JAKMIP3: variants seen among roughly 807,000 people sequenced by gnomAD.
JAKMIP3 encodes the protein janus kinase and microtubule-interacting protein 3.
In JAKMIP3, 58 loss-of-function variants were observed where a neutral mutation model predicts 118.5. The ratio of observed to expected loss-of-function variants is 0.49; its 90% CI spans 0.40 to 0.61. The LOEUF (loss-of-function observed/expected upper bound fraction) is 0.61. Ranked by LOEUF, JAKMIP3 falls within the 20% of genes least tolerant of loss-of-function variation. The pLI is 0.00. For missense variants in JAKMIP3, 950 were observed against 1,109.0 expected, an observed-to-expected ratio of 0.86 and a Z score of 2.04; for synonymous variants, 486 against 451.2, an observed-to-expected ratio of 1.08 and a Z score of -0.98.
At chr10:132,159,217 G>A (rs2057494513) in intron 19 of JAKMIP3, among the ~76,000 whole-genome samples, 2 of 102,934 alleles carry the variant, frequency 1.9e-5, no homozygotes, top group East Asian at 3.7e-4. Context: ...ATGCTGTGGG[G>A]GCATCTCTCC....
chr10:132,073,559 C>T (rs1156815428), intron 1 of JAKMIP3, among the ~76,000 whole-genome samples: 4 of 148,850 alleles, frequency 2.7e-5, no homozygotes, highest in Non-Finnish European at 1.5e-5. Flanking sequence ...TGCAGTGATG[C>T]GATCTCAGCT....
intron 11 of JAKMIP3, 94 bp from the exon 12 acceptor site, chr10:132,145,013 C>T: frequency 9.9e-7 from 1 of 1,014,510 alleles, no homozygotes; most frequent in Non-Finnish European, 1.5e-6. Context: ...TGAACTGAAC[C>T]AAAAGACAGA....
chr10:132,061,655 T>A (rs542049440), upstream of JAKMIP3, among the ~76,000 whole-genome samples: 10 of 152,296 alleles, frequency 6.6e-5, no homozygotes, highest in East Asian at 1.4e-3. Context: ...CCACCCAAGC[T>A]GGCATTGCCA....
intron 13 of JAKMIP3, among the ~76,000 whole-genome samples, chr10:132,147,478 G>T (rs2054855515): frequency 6.6e-6 from 1 of 152,192 alleles, no homozygotes; most frequent in Non-Finnish European, 1.5e-5. Context: ...GGCAGCCGTG[G>T]TACCCGCTCC....
intron 3 of JAKMIP3, among the ~76,000 whole-genome samples, chr10:132,123,057 CTG>C (rs576184115): frequency 2.2e-3 from 340 of 152,340 alleles, no homozygotes; most frequent in Middle Eastern, 0.01. Context: ...ATGGCCCACT[CTG>C]TGCTCCTGGA....
chr10:132,048,669 T>TTTTC (rs2133798265), intron 1 of JAKMIP3, among the ~76,000 whole-genome samples: 1 of 144,992 alleles, frequency 6.9e-6, no homozygotes, highest in African/African-American at 2.5e-5. Context: ...TTTCTTTTCT[T>TTTTC]TTTTTTTTTT....
At chr10:132,149,572 C>A in intron 15 of JAKMIP3, 62 bp downstream of exon 15, 1 of 589,586 alleles carries the variant, frequency 1.7e-6, no homozygotes, top group South Asian at 2.3e-5. Flanking sequence ...CCCACCCCCT[C>A]TCCGCCCCCG....
chr10:132,147,058 G>A (rs939525928), intron 13 of JAKMIP3, among the ~76,000 whole-genome samples: 10 of 152,224 alleles, frequency 6.6e-5, no homozygotes, highest in Admixed American at 1.3e-4. Context: ...ACACACATGC[G>A]CATGTGCACA....
intron 1 of JAKMIP3, among the ~76,000 whole-genome samples, chr10:132,059,363 C>T (rs1426172500): frequency 1.3e-5 from 2 of 152,216 alleles, no homozygotes; most frequent in African/African-American, 2.4e-5. Flanking sequence ...TCATATGAGC[C>T]AATATTTTCC....
Position 132,164,737 on chromosome 10 carries a change from TA to T in JAKMIP3, c.2490+6del. The stretch of plus-strand genomic sequence containing the variant: ...CAAATAAAGGAACTGGAGGAAAAGG[TA>T]AAACAAATGCAGTTTTGGGGGTTGC... On this transcript the variant is annotated splice_donor_region_variant and intron_variant, in intron 21 of 23. Coordinates refer to ENST00000684848, the MANE Select transcript of JAKMIP3 (RefSeq NM_001323087.2). The T allele has an allele frequency of 6.3e-7, 1 of 1,598,574 alleles. No homozygotes were observed. Among genetic ancestry groups the T allele is most frequent in the Non-Finnish European group, 8.6e-7 (1 of 1,166,096 alleles).
chr10:132,172,980 C>CCT (rs527507375), intron 23 of JAKMIP3, among the ~76,000 whole-genome samples: 1 of 75,196 alleles, frequency 1.3e-5, no homozygotes, highest in African/African-American at 4.9e-5. Flanking sequence ...TCTCTCCTTC[C>CCT]CTCTCTCTCT....
chr10:132,131,019 G>C (rs2050464210), intron 3 of JAKMIP3, among the ~76,000 whole-genome samples: 1 of 151,982 alleles, frequency 6.6e-6, no homozygotes, highest in South Asian at 2.1e-4. Flanking sequence ...GGGCAGAGTG[G>C]AGGGGCATCT....
At chr10:132,166,709 A>T (rs2058940647) in intron 21 of JAKMIP3, among the ~76,000 whole-genome samples, 1 of 152,142 alleles carries the variant, frequency 6.6e-6, no homozygotes, top group Non-Finnish European at 1.5e-5. Context: ...GGTGCTGGGG[A>T]CACGCTGGGT....
intron 4 of JAKMIP3, 120 bp from the exon 5 acceptor site, chr10:132,134,921 C>A: frequency 7.9e-7 from 1 of 1,260,302 alleles, no homozygotes; most frequent in Non-Finnish European, 1.1e-6. Context: ...CCGGCAGCCG[C>A]GTGGAGGTAA....
At chr10:132,115,307 T>C (rs535509382) in intron 2 of JAKMIP3, among the ~76,000 whole-genome samples, 2 of 151,896 alleles carry the variant, frequency 1.3e-5, no homozygotes, top group African/African-American at 4.8e-5. Context: ...GCACTGATCA[T>C]GGTTGGGGTC....
intron 19 of JAKMIP3, among the ~76,000 whole-genome samples, chr10:132,159,774 G>A (rs866772688): frequency 6.5e-5 from 1 of 15,328 alleles, no homozygotes; most frequent in Non-Finnish European, 1.2e-4. Context: ...GATACTGGGG[G>A]GTCTCTTCCT....
intron 3 of JAKMIP3, among the ~76,000 whole-genome samples, chr10:132,122,854 G>A (rs1282641497): frequency 6.6e-6 from 1 of 152,230 alleles, no homozygotes; most frequent in Non-Finnish European, 1.5e-5. Flanking sequence ...GTTGTGGTGG[G>A]TGGCACTGGG....
intron 1 of JAKMIP3, among the ~76,000 whole-genome samples, chr10:132,073,919 T>A (rs1275907392): frequency 6.6e-6 from 1 of 152,262 alleles, no homozygotes. Flanking sequence ...AAATGGCAGT[T>A]CTACTTTTAG....
At chr10:132,156,861 CT>C (rs545401571) in intron 19 of JAKMIP3, among the ~76,000 whole-genome samples, 1 of 152,080 alleles carries the variant, frequency 6.6e-6, no homozygotes, top group African/African-American at 2.4e-5. Flanking sequence ...ACATGCATTT[CT>C]TTTTTTAATA....
Sources: allele counts gnomAD v4.1 joint callset (sites outside exome capture counted in the v4.1 genomes callset), GRCh38; gene constraint gnomAD v4.1.1; transcripts MANE v1.5; gene names NCBI Gene and HGNC (gene_info 2026-07-23, HGNC 2026-07-21).